Variants in NOXRED1 observed in about 807,000 individuals in gnomAD.
The protein encoded by NOXRED1 is NADP-dependent oxidoreductase domain-containing protein 1.
NOXRED1 carries 20 observed loss-of-function variants against 30.4 expected under a neutral mutation model. The ratio of observed to expected loss-of-function variants is 0.66; its 90% CI spans 0.46 to 0.96. NOXRED1 has a LOEUF of 0.96. Among genes scored for constraint, NOXRED1 ranks in the 40% least tolerant of loss-of-function variants. The probability of loss-of-function intolerance (pLI) is 0.00; values close to 1 mark genes in which losing one functional copy is unlikely to be tolerated. For missense variants in NOXRED1, 374 were observed against 428.0 expected, an observed-to-expected ratio of 0.87 and a Z score of 1.11; for synonymous variants, 155 against 168.0, an observed-to-expected ratio of 0.92 and a Z score of 0.60.
At chr14:77,415,301 A>G (rs576895420) in intron 1 of NOXRED1, among the ~76,000 whole-genome samples, 13 of 151,680 alleles carry the variant, frequency 8.6e-5, no homozygotes, top group African/African-American at 3.1e-4. Context: ...TAGGCATGGT[A>G]GCTGATGCCT....
In NOXRED1 at chr14:77,407,756, T is replaced by C; in HGVS notation, c.350-111A>G. ...TTTAGCTCAGTAAATCAACCCATCTTATTGCTCCATAAATCAGAAGATATT... is the reference window on the plus strand; with the variant it reads ...TTTAGCTCAGTAAATCAACCCATCTCATTGCTCCATAAATCAGAAGATATT... On this transcript the variant is annotated intron_variant, in intron 2 of 5. Transcript: ENST00000380835. 5.6e-6 allele frequency: 4 copies of C among 710,890 alleles called. No homozygotes were observed. In the South Asian group the frequency reaches 7.4e-5, roughly 13 times the overall value. The allele number at this position is 710,890 out of a possible 1,614,324, so 44.0% of individuals were successfully genotyped here.
At chr14:77,416,835 A>G (rs1894839773) in intron 1 of NOXRED1, among the ~76,000 whole-genome samples, 1 of 148,638 alleles carries the variant, frequency 6.7e-6, no homozygotes. Flanking sequence ...CGGGGGGCTG[A>G]CCCCCCCACC....
chr14:77,397,494 C>T (rs148873715), intron 5 of NOXRED1, among the ~76,000 whole-genome samples: 2 of 152,172 alleles, frequency 1.3e-5, no homozygotes, highest in African/African-American at 4.8e-5. Flanking sequence ...TTTGCAATAT[C>T]TATTTCCATT....
chr14:77,394,467 T>A lies in NOXRED1; in HGVS notation c.*164A>T. The A allele has an allele frequency of 2.1e-6, 1 of 468,698 alleles. No individual in the cohort carries two copies. Among genetic ancestry groups the A allele is most frequent in the South Asian group, 6.1e-5 (1 of 16,318 alleles). The allele number at this position is 468,698 out of a possible 1,614,324, so 29.0% of individuals were successfully genotyped here. A position where few individuals can be genotyped will look rare whatever the true frequency, so the allele number is the denominator to read the frequency against. On this transcript the variant is annotated 3_prime_UTR_variant, in exon 6 of 6. Coordinates refer to ENST00000380835, the MANE Select transcript of NOXRED1 (RefSeq NM_001113475.3). ...TGATGGATAGGACCACTTGTTTTAT[T>A]CTACATTTTAAAGAGTCATCAGTAC...
chr14:77,411,709 G>A (rs184573610), intron 2 of NOXRED1, among the ~76,000 whole-genome samples: 2 of 152,230 alleles, frequency 1.3e-5, no homozygotes, highest in South Asian at 2.1e-4. Flanking sequence ...GATGGGATAC[G>A]TTCATTACCT....
chr14:77,408,782 A>G (rs1894552342), intron 2 of NOXRED1, among the ~76,000 whole-genome samples: 1 of 152,054 alleles, frequency 6.6e-6, no homozygotes, highest in African/African-American at 2.4e-5. Flanking sequence ...GGGTTTGCAA[A>G]GATTTAACAG....
At position 77,415,767 on chromosome 14, in the gene NOXRED1, C is replaced by T. The variant is rs151292592; in HGVS notation, c.156-1640G>A. Among the ~76,000 whole-genome samples the T allele has an allele frequency of 4.6e-3, 688 of 149,724 alleles. 1 individual carries two copies. The highest frequency in any genetic ancestry group is 0.016 in the African/African-American group (658 of 40,518). On this transcript the variant is annotated intron_variant, in intron 1 of 5. Transcript: ENST00000380835. ...CTCCATTGCCTGAGCTGGAGTGCTG[C>T]GGCACAATCTCAGCTCACTGCAACC...
intron 1 of NOXRED1, among the ~76,000 whole-genome samples, chr14:77,416,011 G>A (rs1894812886): frequency 2.0e-5 from 3 of 151,934 alleles, no homozygotes; most frequent in Non-Finnish European, 4.4e-5. Context: ...CACCACACCC[G>A]ACCTGAAACT....
intron 5 of NOXRED1, among the ~76,000 whole-genome samples, chr14:77,400,652 C>T (rs1321945616): frequency 6.6e-6 from 1 of 152,120 alleles, no homozygotes; most frequent in Admixed American, 6.5e-5. Flanking sequence ...TCACTGAATA[C>T]ACAATTTACA....
upstream of NOXRED1, among the ~76,000 whole-genome samples, chr14:77,424,424 G>A (rs1305305014): frequency 2.6e-5 from 4 of 152,130 alleles, no homozygotes; most frequent in East Asian, 1.9e-4. Context: ...CTGAGATTGC[G>A]CCATTGTACT....
chr14:77,416,098 A>G (rs778995498), intron 1 of NOXRED1, among the ~76,000 whole-genome samples: 24 of 152,210 alleles, frequency 1.6e-4, no homozygotes, highest in Non-Finnish European at 3.2e-4. Context: ...GATACCTCAT[A>G]TAAGTAGAAT....
At chr14:77,425,875 ATCT>A (rs1895110111), upstream of NOXRED1, among the ~76,000 whole-genome samples, 1 of 152,270 alleles carries the variant, frequency 6.6e-6, no homozygotes, top group African/African-American at 2.4e-5. Flanking sequence ...CTGTAGGAGC[ATCT>A]TCTCTTTGCC....
chr14:77,419,438 TC>T lies in NOXRED1; in HGVS notation c.155+3296del, dbSNP rs1398483227. Among the ~76,000 whole-genome samples the T allele has an allele frequency of 9.7e-4, 141 of 144,660 alleles. 1 individual carries two copies. In the East Asian group the frequency reaches 0.02, roughly 21 times the overall value. The allele number at this position is 144,660 out of a possible 152,430, so 94.9% of individuals were successfully genotyped here. A position where few individuals can be genotyped will look rare whatever the true frequency, so the allele number is the denominator to read the frequency against. On this transcript the variant is annotated intron_variant, in intron 1 of 5. Coordinates refer to ENST00000380835, the MANE Select transcript of NOXRED1 (RefSeq NM_001113475.3). ...TTCTTGGTTGACAGGTTTTTTTTTT[TC>T]TTTTTCCTTTTTTTTTTTTTTTTTT...
In NOXRED1 at chr14:77,413,956, G is replaced by A. The variant is rs1282356450; in HGVS notation, c.327C>T (p.Ser109=). ...CACCCAGAGTCTCTGGCCTCCGAGT[G>A]GAGATCCGCAGGCTTTCAGCAGGGA... is the stretch of plus-strand genomic sequence containing the variant. ...GPIPAESLRI[S]TRRPETLGEL... Residue 109 remains serine (S), a synonymous_variant, in exon 2 of 6, where the codon TCC becomes TCT. Coordinates refer to ENST00000380835, the MANE Select transcript of NOXRED1 (RefSeq NM_001113475.3). 6.3e-7 allele frequency: 1 copy of A among 1,596,244 alleles called. No homozygotes were observed. Among genetic ancestry groups the A allele is most frequent in the Non-Finnish European group, 8.6e-7 (1 of 1,167,762 alleles).
rs4575469 is a variant in NOXRED1 at position 77,394,200 on chromosome 14, G to A, written c.*431C>T. ...TGGTTTACCATACCTTCACTTCTCT[G>A]TCCAAAATTGTGAGAAAATCAAACT... is the stretch of plus-strand genomic sequence containing the variant. On this transcript the variant is annotated 3_prime_UTR_variant, in exon 6 of 6. Coordinates refer to ENST00000380835, the MANE Select transcript of NOXRED1 (RefSeq NM_001113475.3). The A allele has an allele frequency of 0.56, 85,625 of 153,300 alleles. 26,483 individuals carry two copies. The highest frequency in any genetic ancestry group is 0.83 in the African/African-American group (34,466 of 41,558). 9.5% of individuals were successfully genotyped at this position (153,300 alleles called of 1,614,324 possible). A position where few individuals can be genotyped will look rare whatever the true frequency, so the allele number is the denominator to read the frequency against.
intron 2 of NOXRED1, among the ~76,000 whole-genome samples, chr14:77,412,523 GATTA>G (rs1208740575): frequency 5.3e-5 from 8 of 152,062 alleles, no homozygotes; most frequent in African/African-American, 1.9e-4. Context: ...CTTATTGATT[GATTA>G]ATTGAGACAG....
In NOXRED1 at chr14:77,405,843, A is replaced by G. The variant is rs192773237; in HGVS notation, c.905+70T>C. The G allele has an allele frequency of 3.7e-5, 34 of 922,744 alleles. No individual in the cohort carries two copies. The African/African-American group carries it at 4.4e-4, about 12-fold the overall frequency. 57.2% of individuals were successfully genotyped at this position (922,744 alleles called of 1,614,324 possible). Reference sequence around the variant, plus strand: ...GTTTAAAGAGAACATGAAAGGATAAAAGAAAAAAAGCATTAACTAAGAGAA... The same window carrying G: ...GTTTAAAGAGAACATGAAAGGATAAGAGAAAAAAAGCATTAACTAAGAGAA... On this transcript the variant is annotated intron_variant, in intron 5 of 5. Transcript: ENST00000380835.
intron 5 of NOXRED1, among the ~76,000 whole-genome samples, chr14:77,404,523 A>G (rs1894407065): frequency 6.6e-6 from 1 of 152,228 alleles, no homozygotes; most frequent in Non-Finnish European, 1.5e-5. Context: ...ATTGACATTT[A>G]GGCTAGAGAT....
chr14:77,394,943 A>G, intron 5 of NOXRED1, 138 bp from the exon 6 acceptor site: 1 of 588,984 alleles, frequency 1.7e-6, no homozygotes, highest in South Asian at 2.5e-5. Context: ...CATAAACTAG[A>G]AATTCAGCTA....
Sources: allele counts gnomAD v4.1 joint callset (sites outside exome capture counted in the v4.1 genomes callset), GRCh38; gene constraint gnomAD v4.1.1; transcripts MANE v1.5; gene names NCBI Gene and HGNC (gene_info 2026-07-23, HGNC 2026-07-21).